The following SYT14 variants were observed in gnomAD, a reference collection of about 807,000 sequenced individuals.
The protein encoded by SYT14 is synaptotagmin-14.
A neutral mutation model predicts 74.2 loss-of-function variants in SYT14; 32 were observed. That is an observed-to-expected ratio of 0.43 (90% CI 0.33 to 0.58). The LOEUF is 0.58. Among genes scored for constraint, SYT14 ranks in the 20% least tolerant of loss-of-function variants. The pLI is 0.05. For synonymous variants in SYT14, 298 were observed against 337.7 expected, an observed-to-expected ratio of 0.88 and a Z score of 1.29; for missense variants, 791 against 981.8, an observed-to-expected ratio of 0.81 and a Z score of 2.60.
chr1:210,144,718 G>T (rs1003469071), intron 7 of SYT14, among the ~76,000 whole-genome samples: 1 of 151,918 alleles, frequency 6.6e-6, no homozygotes, highest in African/African-American at 2.4e-5. Flanking sequence ...TTTCTATTTA[G>T]TTTTCTAATA....
At chr1:210,140,439 A>G (rs529774228) in intron 7 of SYT14, among the ~76,000 whole-genome samples, 2 of 152,202 alleles carry the variant, frequency 1.3e-5, no homozygotes, top group Non-Finnish European at 2.9e-5. Context: ...TGATTTGATA[A>G]TATTTCCTCC....
At chr1:210,085,894 C>T (rs1362531325) in intron 5 of SYT14, among the ~76,000 whole-genome samples, 1 of 152,022 alleles carries the variant, frequency 6.6e-6, no homozygotes. Flanking sequence ...GTTATTATGG[C>T]CTCATAAAAT....
At chr1:210,089,954 G>A (rs752609098) in intron 5 of SYT14, among the ~76,000 whole-genome samples, 1 of 152,176 alleles carries the variant, frequency 6.6e-6, no homozygotes, top group Non-Finnish European at 1.5e-5. Flanking sequence ...GTTTCCCATT[G>A]GTTACTTGGC....
intron 2 of SYT14, among the ~76,000 whole-genome samples, chr1:209,956,983 G>A (rs920687564): frequency 4.6e-5 from 7 of 151,972 alleles, no homozygotes; most frequent in African/African-American, 1.4e-4. Flanking sequence ...TTGCTGAAGG[G>A]CCTTTTCCCT....
chr1:209,983,902 G>A (rs1396608126), intron 2 of SYT14, among the ~76,000 whole-genome samples: 1 of 152,142 alleles, frequency 6.6e-6, no homozygotes, highest in Non-Finnish European at 1.5e-5. Context: ...CATCTATTTA[G>A]TGACCTCCCC....
intron 7 of SYT14, among the ~76,000 whole-genome samples, chr1:210,129,194 C>G (rs1558209169): frequency 6.6e-6 from 1 of 152,198 alleles, no homozygotes; most frequent in South Asian, 2.1e-4. Context: ...TGAATGCACA[C>G]CAACTCAAAA....
At chr1:210,118,841 G>A (rs1054912140) in intron 7 of SYT14, among the ~76,000 whole-genome samples, 11 of 152,120 alleles carry the variant, frequency 7.2e-5, no homozygotes, top group Non-Finnish European at 1.6e-4. Context: ...GAGTGAGGTT[G>A]TTCTTCAGGT....
intron 5 of SYT14, among the ~76,000 whole-genome samples, chr1:210,052,687 T>A (rs1318140476): frequency 3.3e-4 from 17 of 51,014 alleles, no homozygotes; most frequent in East Asian, 5.5e-4. Context: ...AAAAAAAAGC[T>A]CTCCAAGCAC....
chr1:209,986,569 C>T (rs568095776), intron 2 of SYT14, among the ~76,000 whole-genome samples: 39 of 151,856 alleles, frequency 2.6e-4, no homozygotes, highest in Admixed American at 5.9e-4. Context: ...GCCAAGATTG[C>T]GCCATTGCAC....
chr1:209,965,956 C>T lies in SYT14; in HGVS notation c.-486+13200C>T, dbSNP rs532430320. 120 of 454,652 alleles carry T rather than the reference C, an allele frequency of 2.6e-4. 3 individuals are homozygous for T. Among genetic ancestry groups the T allele is most frequent in the South Asian group, 1.5e-3 (95 of 64,450 alleles). 28.2% of individuals were successfully genotyped at this position (454,652 alleles called of 1,614,324 possible). Reference sequence around the variant, plus strand: ...CACCATCTTGGCTCACTGCAACTTCCGCCTCCTGGGTTCAAACGATTCTTC... The same window carrying T: ...CACCATCTTGGCTCACTGCAACTTCTGCCTCCTGGGTTCAAACGATTCTTC... On this transcript the variant is annotated intron_variant, in intron 2 of 9. Transcript: ENST00000637265.
At chr1:209,984,050 T>A (rs2079533182) in intron 2 of SYT14, among the ~76,000 whole-genome samples, 1 of 152,208 alleles carries the variant, frequency 6.6e-6, no homozygotes, top group East Asian at 1.9e-4. Flanking sequence ...CAAAGATGTA[T>A]GTGCCATCTG....
intron 5 of SYT14, among the ~76,000 whole-genome samples, chr1:210,049,310 T>C (rs951050441): frequency 6.6e-6 from 1 of 152,100 alleles, no homozygotes; most frequent in African/African-American, 2.4e-5. Context: ...GCCCCACCTC[T>C]GCAGCAAACT....
intron 2 of SYT14, among the ~76,000 whole-genome samples, chr1:209,965,215 CA>C (rs1572078171): frequency 6.6e-6 from 1 of 152,158 alleles, no homozygotes; most frequent in Non-Finnish European, 1.5e-5. Context: ...AATAGTTATT[CA>C]ACCCTTTTCC....
chr1:210,054,248 A>T (rs2081055547), intron 5 of SYT14, among the ~76,000 whole-genome samples: 1 of 152,090 alleles, frequency 6.6e-6, no homozygotes, highest in Admixed American at 6.5e-5. Context: ...AAAAAAATTG[A>T]ATCATTTATT....
In SYT14 at chr1:210,101,917, AGAAT is replaced by A. The variant is rs140236613; in HGVS notation, c.2034+1460_2034+1463del. Reference sequence around the variant, plus strand: ...TTTTAATTACATTCATTTCACAAAGAGAATGAAGCCATAGAAAATAATACTGTCT... The same window carrying A: ...TTTTAATTACATTCATTTCACAAAGAGAAGCCATAGAAAATAATACTGTCT... On this transcript the variant is annotated intron_variant, in intron 7 of 9. Coordinates refer to ENST00000637265, the Ensembl canonical transcript of SYT14. Among the ~76,000 whole-genome samples, 2,254 of 152,304 alleles carry A rather than the reference AGAAT, an allele frequency of 0.015. 184 individuals are homozygous for A. In the East Asian group the frequency reaches 0.25, roughly 17 times the overall value.
chr1:209,992,556 G>A (rs1233347492), intron 2 of SYT14, among the ~76,000 whole-genome samples: 2 of 152,150 alleles, frequency 1.3e-5, no homozygotes, highest in African/African-American at 4.8e-5. Flanking sequence ...AGAAGGATGA[G>A]GGATGGGAAA....
At chr1:209,993,165 TC>T (rs903927602) in intron 2 of SYT14, among the ~76,000 whole-genome samples, 9 of 152,258 alleles carry the variant, frequency 5.9e-5, no homozygotes, top group African/African-American at 2.2e-4. Flanking sequence ...TCCCTAGGGT[TC>T]CCCATCCCCC....
At chr1:210,150,394 C>T (rs915600123) in intron 7 of SYT14, among the ~76,000 whole-genome samples, 8 of 152,296 alleles carry the variant, frequency 5.3e-5, no homozygotes, top group Middle Eastern at 3.4e-3. Flanking sequence ...CTCTCCTTTA[C>T]GCTAGACTTA....
intron 2 of SYT14, among the ~76,000 whole-genome samples, chr1:209,981,831 C>T (rs995623281): frequency 3.3e-5 from 5 of 152,084 alleles, no homozygotes; most frequent in Non-Finnish European, 5.9e-5. Context: ...TGCCGAGAGG[C>T]CTGCTCTTAG....
Sources: allele counts gnomAD v4.1 joint callset (sites outside exome capture counted in the v4.1 genomes callset), GRCh38; gene constraint gnomAD v4.1.1; transcripts MANE v1.5; gene names NCBI Gene and HGNC (gene_info 2026-07-23, HGNC 2026-07-21).